POLN: variants seen among roughly 807,000 people sequenced by gnomAD.
The protein encoded by POLN is DNA polymerase nu.
A neutral mutation model predicts 113.5 loss-of-function variants in POLN; 108 were observed. The observed-to-expected ratio is 0.95, with a 90% CI of 0.81 to 1.12. POLN has a LOEUF of 1.12. Ranked by LOEUF, POLN falls within the 50% of genes most tolerant of loss-of-function variation. The probability of loss-of-function intolerance (pLI) is 0.00; values close to 1 mark genes in which losing one functional copy is unlikely to be tolerated. For synonymous variants in POLN, 386 were observed against 391.5 expected (o/e 0.99, Z 0.17); for missense variants, 1,097 against 1,077.1 (o/e 1.02, Z -0.26).
chr4:2,151,020 A>G (rs1025406864), intron 16 of POLN, among the ~76,000 whole-genome samples: 1 of 152,264 alleles, frequency 6.6e-6, no homozygotes, highest in African/African-American at 2.4e-5. Flanking sequence ...AGATGGTGTC[A>G]AAAGAAGACA....
chr4:2,236,902 T>A (rs970772578), intron 2 of POLN, among the ~76,000 whole-genome samples: 3 of 148,876 alleles, frequency 2.0e-5, no homozygotes, highest in Non-Finnish European at 1.5e-5. Context: ...AATAATAATA[T>A]TATTATTATT....
intron 19 of POLN, among the ~76,000 whole-genome samples, chr4:2,116,725 C>T (rs561228922): frequency 2.0e-5 from 3 of 152,252 alleles, no homozygotes; most frequent in African/African-American, 4.8e-5. Flanking sequence ...TATAAGGTCA[C>T]GAAGGGACTT....
rs371799593 is a variant in POLN, at chr4:2,116,976, A to C, written c.1982+11137T>G. ...ATACCCAAATACTGACAAAACAAATAGTTGCACCTGTGCTATACGGTAAGG... is the reference window on the plus strand; with the variant it reads ...ATACCCAAATACTGACAAAACAAATCGTTGCACCTGTGCTATACGGTAAGG... On this transcript the variant is annotated intron_variant, in intron 19 of 25. Transcript: ENST00000511885. Among the ~76,000 whole-genome samples, 7 of 152,384 alleles carry C rather than the reference A, an allele frequency of 4.6e-5. No homozygotes were observed. The East Asian group carries it at 5.8e-4, about 13-fold the overall frequency.
At chr4:2,202,695 G>A (rs1188655171) in intron 5 of POLN, among the ~76,000 whole-genome samples, 2 of 129,596 alleles carry the variant, frequency 1.5e-5, no homozygotes, top group African/African-American at 6.2e-5. Flanking sequence ...CTGCACTCCA[G>A]CCTGGGTGAC....
chr4:2,202,583 G>A (rs930772772), intron 5 of POLN, among the ~76,000 whole-genome samples: 4 of 151,934 alleles, frequency 2.6e-5, no homozygotes, highest in Non-Finnish European at 1.5e-5. Context: ...AATTAGTCAG[G>A]CGTGGTGGCT....
At chr4:2,241,482 A>C (rs1436736555) in intron 2 of POLN, 38 bp downstream of exon 2, 1 of 985,192 alleles carries the variant, frequency 1.0e-6, no homozygotes, top group Non-Finnish European at 1.2e-6. Flanking sequence ...GACGCAAATA[A>C]GCATGGCACA....
intron 13 of POLN, among the ~76,000 whole-genome samples, chr4:2,161,373 C>A (rs979987484): frequency 2.0e-5 from 3 of 152,232 alleles, no homozygotes; most frequent in Non-Finnish European, 2.9e-5. Flanking sequence ...AGCAGCCAGC[C>A]GGCCCTGCTA....
At chr4:2,206,619 T>C (rs1249274640) in intron 5 of POLN, among the ~76,000 whole-genome samples, 1 of 152,180 alleles carries the variant, frequency 6.6e-6, no homozygotes. Context: ...AAAGAAGATA[T>C]ACAACTGGCC....
chr4:2,145,499 A>T (rs1476054832), intron 16 of POLN, among the ~76,000 whole-genome samples: 1 of 152,210 alleles, frequency 6.6e-6, no homozygotes, highest in African/African-American at 2.4e-5. Flanking sequence ...CAAAAGAAAT[A>T]AACAAGTGAG....
intron 8 of POLN, among the ~76,000 whole-genome samples, chr4:2,178,614 GTT>G (rs869253023): frequency 4.2e-5 from 6 of 142,080 alleles, no homozygotes; most frequent in Admixed American, 7.0e-5. Context: ...GCCCAAGACA[GTT>G]TTTTTTTTTT....
chr4:2,232,618 T>A (rs1366473875), intron 2 of POLN, among the ~76,000 whole-genome samples: 2 of 152,156 alleles, frequency 1.3e-5, no homozygotes, highest in Non-Finnish European at 2.9e-5. Context: ...GAGAATTAGC[T>A]CAACACAAAT....
chr4:2,240,153 A>G, intron 2 of POLN: 7 of 1,613,928 alleles, frequency 4.3e-6, no homozygotes, highest in Non-Finnish European at 5.1e-6. Context: ...TGCGAGCTGC[A>G]GTCTAGCCAT....
intron 6 of POLN, among the ~76,000 whole-genome samples, chr4:2,198,126 G>A (rs1733625124): frequency 6.6e-6 from 1 of 152,186 alleles, no homozygotes; most frequent in African/African-American, 2.4e-5. Context: ...GTGGTATTAA[G>A]GACAATTTAT....
chr4:2,151,183 G>C (rs1378639530), intron 16 of POLN, among the ~76,000 whole-genome samples: 1 of 152,104 alleles, frequency 6.6e-6, no homozygotes, highest in African/African-American at 2.4e-5. Flanking sequence ...CACTGAAAAA[G>C]AAAAATGACT....
intron 23 of POLN, chr4:2,076,625 CGCCCCTGCT>C (rs1177090476): frequency 6.6e-6 from 1 of 152,328 alleles, no homozygotes; most frequent in African/African-American, 2.4e-5. Context: ...GTCCTATCTT[CGCCCCTGCT>C]GCCCGTCCTT....
chr4:2,159,229 T>C lies in POLN; in HGVS notation c.1555-18A>G. 1.3e-6 allele frequency: 2 copies of C among 1,573,950 alleles called. No individual in the cohort carries two copies. The highest frequency in any genetic ancestry group is 1.7e-6 in the Non-Finnish European group (2 of 1,146,706). On this transcript the variant is annotated intron_variant, in intron 13 of 25. Transcript: ENST00000511885. ...GCATTTAACTAAACATGAAAATAGA[T>C]ACTACCAATGTAATTCGTCCATTTT...
At chr4:2,215,061 A>G (rs1425745560) in intron 3 of POLN, among the ~76,000 whole-genome samples, 2 of 152,182 alleles carry the variant, frequency 1.3e-5, no homozygotes, top group Non-Finnish European at 2.9e-5. Context: ...TCACAGAAAT[A>G]TATGCAACAG....
intron 8 of POLN, among the ~76,000 whole-genome samples, chr4:2,176,535 A>C (rs1001472144): frequency 6.6e-6 from 1 of 152,218 alleles, no homozygotes; most frequent in Non-Finnish European, 1.5e-5. Flanking sequence ...TCTACTGCGC[A>C]AGTGCAAGCT....
chr4:2,133,367 C>T lies in POLN; in HGVS notation c.1732-2077G>A, dbSNP rs576971542. ...TATGACAAATAAGTATCTGCACTCC[C>T]ATGTTTACTGCAGCCCCGTTCACAA... On this transcript the variant is annotated intron_variant, in intron 16 of 25. Transcript: ENST00000511885. Among the ~76,000 whole-genome samples, 15 of 152,284 alleles carry T rather than the reference C, an allele frequency of 9.9e-5. No individual in the cohort carries two copies. In the South Asian group the frequency reaches 2.9e-3, roughly 29 times the overall value.
Sources: gnomAD v4.1 joint callset for allele counts (sites outside exome capture counted in the v4.1 genomes callset) on GRCh38, gnomAD v4.1.1 for gene constraint, MANE v1.5 for transcripts, NCBI Gene and HGNC (gene_info 2026-07-23, HGNC 2026-07-21) for gene names.